BTBD9: variants seen among roughly 807,000 people sequenced by gnomAD.
The protein encoded by BTBD9 is BTB domain containing 9, also known as BTB/POZ domain-containing protein 9.
In BTBD9, 49 loss-of-function variants were observed where a neutral mutation model predicts 64.3. That is an observed-to-expected ratio of 0.76 (90% CI 0.61 to 0.97). The LOEUF is 0.97. Ranked by LOEUF, BTBD9 falls within the 50% of genes least tolerant of loss-of-function variation. The pLI is 0.00. For synonymous variants in BTBD9, 260 were observed against 274.7 expected, an observed-to-expected ratio of 0.95 and a Z score of 0.53; for missense variants, 598 against 762.1, an observed-to-expected ratio of 0.78 and a Z score of 2.53.
rs1380532836 is a variant in BTBD9, at chr6:38,309,558, A to G, written c.1265-21097T>C. Among the ~76,000 whole-genome samples the G allele has an allele frequency of 4.0e-5, 6 of 151,100 alleles. No homozygotes were observed. In the East Asian group the frequency reaches 8.0e-4, roughly 20 times the overall value. ...CTCCCGAGTAGCTGGGACTACAGGCACGCACCACCACGCCCAGCTAACTTT... is the reference window on the plus strand; with the variant it reads ...CTCCCGAGTAGCTGGGACTACAGGCGCGCACCACCACGCCCAGCTAACTTT... On this transcript the variant is annotated intron_variant, in intron 7 of 10. Transcript: ENST00000481247.
intron 1 of BTBD9, among the ~76,000 whole-genome samples, chr6:38,611,540 AAG>A (rs1777617849): frequency 6.6e-6 from 1 of 152,168 alleles, no homozygotes; most frequent in African/African-American, 2.4e-5. Flanking sequence ...TTTAGTTAAC[AAG>A]AGACTTTTTA....
intron 9 of BTBD9, chr6:38,207,347 TG>T: frequency 4.7e-6 from 1 of 213,006 alleles, no homozygotes; most frequent in Admixed American, 4.5e-5. Flanking sequence ...TGAAGCTGGG[TG>T]TGGCAGTTCA....
chr6:38,622,770 CCAA>C (rs1469617293), intron 1 of BTBD9, among the ~76,000 whole-genome samples: 2 of 152,176 alleles, frequency 1.3e-5, no homozygotes, highest in African/African-American at 4.8e-5. Context: ...ACTTCAAGCC[CCAA>C]CTGATCATAG....
intron 6 of BTBD9, among the ~76,000 whole-genome samples, chr6:38,408,276 T>C (rs973286802): frequency 6.6e-6 from 1 of 152,164 alleles, no homozygotes; most frequent in Non-Finnish European, 1.5e-5. Flanking sequence ...GGGGATCACT[T>C]GAGCCCAGGA....
intron 6 of BTBD9, among the ~76,000 whole-genome samples, chr6:38,534,325 A>G (rs1310377104): frequency 6.6e-6 from 1 of 152,058 alleles, no homozygotes. Flanking sequence ...CCATGAAGAA[A>G]TCCAAAATTT....
At chr6:38,288,566 TA>T in intron 7 of BTBD9, 105 bp from the exon 8 acceptor site, 1 of 881,230 alleles carries the variant, frequency 1.1e-6, no homozygotes, top group Non-Finnish European at 1.7e-6. Flanking sequence ...AAATCAATGA[TA>T]AAAGAAAAAT....
intron 7 of BTBD9, 126 bp from the exon 8 acceptor site, chr6:38,288,587 T>A: frequency 1.3e-6 from 1 of 762,320 alleles, no homozygotes; most frequent in Non-Finnish European, 2.1e-6. Context: ...TTAGAACATC[T>A]GGATTATCTT....
At chr6:38,517,967 T>A (rs1773111701) in intron 6 of BTBD9, among the ~76,000 whole-genome samples, 1 of 152,120 alleles carries the variant, frequency 6.6e-6, no homozygotes, top group Admixed American at 6.6e-5. Context: ...AGGAATTAAT[T>A]CCAGATGAAA....
At chr6:38,300,755 T>G (rs1285727964) in intron 7 of BTBD9, among the ~76,000 whole-genome samples, 3 of 152,174 alleles carry the variant, frequency 2.0e-5, no homozygotes, top group Non-Finnish European at 4.4e-5. Flanking sequence ...TAAGGAGATT[T>G]TGGGCTGAGA....
chr6:38,537,404 T>C (rs1774069539), intron 6 of BTBD9, among the ~76,000 whole-genome samples: 1 of 152,248 alleles, frequency 6.6e-6, no homozygotes, highest in Non-Finnish European at 1.5e-5. Flanking sequence ...CAGCAGGCCT[T>C]CTGATGGACG....
intron 7 of BTBD9, among the ~76,000 whole-genome samples, chr6:38,309,425 T>C (rs1165961632): frequency 6.6e-6 from 1 of 151,838 alleles, no homozygotes; most frequent in Non-Finnish European, 1.5e-5. Flanking sequence ...GTGGTTTATT[T>C]AATACTTTTT....
intron 9 of BTBD9, among the ~76,000 whole-genome samples, chr6:38,247,592 A>C (rs536240472): frequency 1.1e-4 from 17 of 152,230 alleles, no homozygotes; most frequent in Non-Finnish European, 1.9e-4. Context: ...TAACCTGCCA[A>C]GTAGGCCAGG....
intron 7 of BTBD9, among the ~76,000 whole-genome samples, chr6:38,331,611 C>A (rs542529033): frequency 2.0e-5 from 3 of 152,310 alleles, no homozygotes; most frequent in Admixed American, 1.3e-4. Context: ...GGAATCCCAG[C>A]ACTTTGGGAG....
At chr6:38,627,541 CCTA>C (rs1778213378) in intron 1 of BTBD9, among the ~76,000 whole-genome samples, 1 of 152,086 alleles carries the variant, frequency 6.6e-6, no homozygotes, top group African/African-American at 2.4e-5. Context: ...CAGATCTTGG[CCTA>C]TTTTGTTCAC....
intron 6 of BTBD9, among the ~76,000 whole-genome samples, chr6:38,569,206 G>A (rs904293020): frequency 1.3e-5 from 2 of 152,142 alleles, no homozygotes; most frequent in African/African-American, 4.8e-5. Context: ...TGCCTGGAAG[G>A]GCAAAAACTA....
intron 6 of BTBD9, among the ~76,000 whole-genome samples, chr6:38,407,610 GT>G (rs1341628649): frequency 3.9e-5 from 6 of 152,294 alleles, no homozygotes; most frequent in Admixed American, 3.3e-4. Context: ...CTAGACTTCA[GT>G]TCTAACTTGG....
At chr6:38,287,668 T>C (rs1426264153) in intron 8 of BTBD9, among the ~76,000 whole-genome samples, 1 of 152,180 alleles carries the variant, frequency 6.6e-6, no homozygotes, top group Non-Finnish European at 1.5e-5. Context: ...CTATGATGTT[T>C]CCACAATGAC....
chr6:38,541,565 C>T (rs1774278577), intron 6 of BTBD9, among the ~76,000 whole-genome samples: 1 of 152,094 alleles, frequency 6.6e-6, no homozygotes, highest in Non-Finnish European at 1.5e-5. Flanking sequence ...GGCGAAGCCC[C>T]GTCTCTACTA....
At chr6:38,465,081 C>T (rs187718565) in intron 6 of BTBD9, among the ~76,000 whole-genome samples, 1,903 of 151,422 alleles carry the variant, frequency 0.013, 21 homozygotes, top group Non-Finnish European at 0.018. Flanking sequence ...GGCTTTAATT[C>T]AGGAGTTCAA....
Sources: gnomAD v4.1 joint callset for allele counts (sites outside exome capture counted in the v4.1 genomes callset) on GRCh38, gnomAD v4.1.1 for gene constraint, MANE v1.5 for transcripts, NCBI Gene and HGNC (gene_info 2026-07-23, HGNC 2026-07-21) for gene names.